LRCH1: variants seen among roughly 807,000 people sequenced by gnomAD.
LRCH1 encodes leucine-rich repeat and calponin homology domain-containing protein 1.
A neutral mutation model predicts 94.9 loss-of-function variants in LRCH1; 23 were observed. The observed-to-expected ratio is 0.24, with a 90% CI of 0.17 to 0.34. The LOEUF (loss-of-function observed/expected upper bound fraction) is 0.34. Ranked by LOEUF, LRCH1 falls within the 10% of genes least tolerant of loss-of-function variation. LRCH1 has a pLI of 1.00. For missense variants in LRCH1, 790 were observed against 945.9 expected (o/e 0.84, Z 2.16); for synonymous variants, 364 against 354.9 (o/e 1.03, Z -0.29).
At chr13:46,717,066 T>A (rs74477466) in intron 16 of LRCH1, among the ~76,000 whole-genome samples, 2,150 of 144,428 alleles carry the variant, frequency 0.015, 56 homozygotes, top group African/African-American at 0.051. Context: ...TTTTTTTTTT[T>A]AAAACTGGGA....
At chr13:46,625,932 C>A (rs896229342) in intron 1 of LRCH1, among the ~76,000 whole-genome samples, 5 of 152,090 alleles carry the variant, frequency 3.3e-5, no homozygotes, top group African/African-American at 9.7e-5. Context: ...GGATTACAGG[C>A]GTGAGCCACC....
At chr13:46,599,340 A>G (rs1413194712) in intron 1 of LRCH1, among the ~76,000 whole-genome samples, 1 of 151,348 alleles carries the variant, frequency 6.6e-6, no homozygotes, top group Non-Finnish European at 1.5e-5. Context: ...CCTGTTTTCA[A>G]TTTTTTTTTG....
At chr13:46,695,935 T>A (rs1048848126) in intron 9 of LRCH1, among the ~76,000 whole-genome samples, 2 of 152,196 alleles carry the variant, frequency 1.3e-5, no homozygotes, top group African/African-American at 4.8e-5. Flanking sequence ...ATAATGAACG[T>A]GACATATGTT....
intron 16 of LRCH1, among the ~76,000 whole-genome samples, chr13:46,718,053 A>G (rs933271597): frequency 2.6e-5 from 4 of 152,132 alleles, no homozygotes; most frequent in Admixed American, 6.5e-5. Flanking sequence ...TTTTAACCTG[A>G]TAGTTTAACT....
chr13:46,700,192 A>G (rs1871392761), intron 10 of LRCH1, among the ~76,000 whole-genome samples: 3 of 152,104 alleles, frequency 2.0e-5, no homozygotes, highest in Admixed American at 6.5e-5. Context: ...CAGGATTTTT[A>G]TTTCTATAAT....
At chr13:46,619,440 A>G (rs954628857) in intron 1 of LRCH1, among the ~76,000 whole-genome samples, 43 of 152,014 alleles carry the variant, frequency 2.8e-4, no homozygotes, top group African/African-American at 9.9e-4. Flanking sequence ...TTTTCTTCTG[A>G]TTTGTTAGTT....
At chr13:46,686,747 T>G (rs1342108219) in intron 5 of LRCH1, among the ~76,000 whole-genome samples, 1 of 152,132 alleles carries the variant, frequency 6.6e-6, no homozygotes. Context: ...TTTCTGATTC[T>G]CTGCTGAAGA....
chr13:46,634,227 C>T (rs765974622), intron 1 of LRCH1, among the ~76,000 whole-genome samples: 21 of 152,310 alleles, frequency 1.4e-4, no homozygotes, highest in African/African-American at 3.6e-4. Context: ...CATTCATCCA[C>T]GTCAGAAAGC....
At chr13:46,635,056 A>G (rs2051066929) in intron 1 of LRCH1, among the ~76,000 whole-genome samples, 1 of 152,242 alleles carries the variant, frequency 6.6e-6, no homozygotes, top group Admixed American at 6.5e-5. Flanking sequence ...TTATAGGCAC[A>G]GGTAACAAGG....
At chr13:46,593,203 G>A (rs947090999) in intron 1 of LRCH1, among the ~76,000 whole-genome samples, 11 of 150,816 alleles carry the variant, frequency 7.3e-5, no homozygotes, top group Admixed American at 7.3e-4. Flanking sequence ...AAGTTCATCA[G>A]TGTATTTTCA....
rs1873728893 is a variant in LRCH1 at position 46,742,697 on chromosome 13, T to C, written c.*849T>C. On this transcript the variant is annotated 3_prime_UTR_variant, in exon 20 of 20. Coordinates refer to ENST00000389797, the MANE Select transcript of LRCH1 (RefSeq NM_001164211.2). The stretch of plus-strand genomic sequence containing the variant: ...ACAATGGAACGGATCACTGCTTTTT[T>C]GCCACATCACATAGTAACTGCCGGT... 1 of 985,338 alleles carries C rather than the reference T, an allele frequency of 1.0e-6. No individual in the cohort carries two copies. The highest frequency in any genetic ancestry group is 4.7e-5 in the South Asian group (1 of 21,290). 61.0% of individuals were successfully genotyped at this position (985,338 alleles called of 1,614,324 possible).
intron 4 of LRCH1, among the ~76,000 whole-genome samples, chr13:46,683,998 C>A (rs1262571912): frequency 2.0e-5 from 3 of 152,162 alleles, no homozygotes; most frequent in African/African-American, 7.2e-5. Context: ...TCTTTGGATA[C>A]CCCTCCTCGT....
At chr13:46,635,010 G>A (rs746187726) in intron 1 of LRCH1, among the ~76,000 whole-genome samples, 19 of 152,190 alleles carry the variant, frequency 1.2e-4, no homozygotes, top group Non-Finnish European at 2.2e-4. Flanking sequence ...CAGTAGTTTT[G>A]AAAAGTTATT....
Position 46,668,682 on chromosome 13 carries a change from A to G in LRCH1, c.453-348A>G, listed in dbSNP as rs887319104. On this transcript the variant is annotated intron_variant, in intron 2 of 19. Coordinates refer to ENST00000389797, the MANE Select transcript of LRCH1 (RefSeq NM_001164211.2). Reference sequence around the variant, plus strand: ...ATTGGTTGTGCAGGATGTGCTCTCCATCTGCCTCCTGGCTGGCCGAGGGCT... The same window carrying G: ...ATTGGTTGTGCAGGATGTGCTCTCCGTCTGCCTCCTGGCTGGCCGAGGGCT... Among the ~76,000 whole-genome samples the G allele has an allele frequency of 6.8e-4, 86 of 126,732 alleles. 1 individual carries two copies. The highest frequency in any genetic ancestry group is 1.3e-3 in the Non-Finnish European group (80 of 62,574). 83.1% of individuals were successfully genotyped at this position (126,732 alleles called of 152,430 possible).
intron 1 of LRCH1, among the ~76,000 whole-genome samples, chr13:46,598,542 G>T (rs1321341292): frequency 6.8e-6 from 1 of 147,750 alleles, no homozygotes; most frequent in Non-Finnish European, 1.5e-5. Flanking sequence ...GGGAAAAGTT[G>T]TCCATCTTTC....
intron 1 of LRCH1, among the ~76,000 whole-genome samples, chr13:46,606,186 C>T (rs2050685500): frequency 6.7e-6 from 1 of 149,390 alleles, no homozygotes; most frequent in Non-Finnish European, 1.5e-5. Flanking sequence ...GTGTATAAGT[C>T]GTTCTAAAGT....
At chr13:46,716,969 ATGT>A (rs1872354222) in intron 16 of LRCH1, among the ~76,000 whole-genome samples, 1 of 152,054 alleles carries the variant, frequency 6.6e-6, no homozygotes, top group Non-Finnish European at 1.5e-5. Flanking sequence ...TATGGGCCTA[ATGT>A]TGTTTAAAGG....
intron 2 of LRCH1, among the ~76,000 whole-genome samples, chr13:46,667,068 G>A (rs1245300048): frequency 6.6e-6 from 1 of 152,136 alleles, no homozygotes; most frequent in Non-Finnish European, 1.5e-5. Context: ...CCTACCAGGA[G>A]GGCACTCAAT....
intron 8 of LRCH1, among the ~76,000 whole-genome samples, chr13:46,693,769 C>T (rs1490924859): frequency 6.6e-6 from 1 of 152,186 alleles, no homozygotes; most frequent in African/African-American, 2.4e-5. Context: ...TTTTTGATTG[C>T]CCCTGTTTCC....
Sources: allele counts gnomAD v4.1 joint callset (sites outside exome capture counted in the v4.1 genomes callset), GRCh38; gene constraint gnomAD v4.1.1; transcripts MANE v1.5; gene names NCBI Gene and HGNC (gene_info 2026-07-23, HGNC 2026-07-21).